The following SPATA18 variants were observed in gnomAD, a reference collection of about 807,000 sequenced individuals.
SPATA18 encodes the protein mitochondria-eating protein.
SPATA18 carries 54 observed loss-of-function variants against 68.1 expected under a neutral mutation model. The ratio of observed to expected loss-of-function variants is 0.79; its 90% CI spans 0.64 to 0.99. The LOEUF (loss-of-function observed/expected upper bound fraction) is 0.99. Among genes scored for constraint, SPATA18 ranks in the 50% least tolerant of loss-of-function variants. The pLI is 0.00. For missense variants in SPATA18, 724 were observed against 681.1 expected (o/e 1.06, Z -0.70); for synonymous variants, 242 against 244.8 (o/e 0.99, Z 0.11).
rs752635539 is a variant in SPATA18 at position 52,076,885 on chromosome 4, A to T, written c.865A>T (p.Asn289Tyr). 1 of 1,614,180 alleles carries T rather than the reference A, an allele frequency of 6.2e-7. No homozygotes were observed. Among genetic ancestry groups the T allele is most frequent in the Non-Finnish European group, 8.5e-7 (1 of 1,180,028 alleles). ...TGTCAAGGTCAGGAGACCGTCCCCA[A>T]ACCGCTCCAAGCTGTCCAATGTGGC... ...TAVKVRRPSPNRSKLSNVARK... is the reference protein window; with the variant it reads ...TAVKVRRPSPYRSKLSNVARK... Residue 289 changes from asparagine (N) to tyrosine (Y), a missense_variant, in exon 7 of 13, where the codon AAC becomes TAC. Physicochemically the swap from Asn to Tyr is moderately radical, Grantham distance 143. Coordinates refer to ENST00000295213, the MANE Select transcript of SPATA18 (RefSeq NM_145263.4).
At chr4:52,077,142 A>G (rs1740444205) in intron 7 of SPATA18, 102 bp downstream of exon 7, 3 of 1,307,116 alleles carry the variant, frequency 2.3e-6, no homozygotes, top group South Asian at 1.6e-5. Flanking sequence ...TCCTGAGGTC[A>G]CTGAAGTGGG....
At chr4:52,073,142 T>C (rs1209895789) in intron 6 of SPATA18, among the ~76,000 whole-genome samples, 1 of 152,192 alleles carries the variant, frequency 6.6e-6, no homozygotes, top group East Asian at 1.9e-4. Flanking sequence ...GTGTTGTGTT[T>C]GTGCCAACTT....
chr4:52,077,341 T>TAACA (rs1740474629), intron 7 of SPATA18, among the ~76,000 whole-genome samples: 1 of 145,260 alleles, frequency 6.9e-6, no homozygotes, highest in African/African-American at 2.5e-5. Flanking sequence ...TCCCTTCCTT[T>TAACA]CTCTTTCCCT....
intron 7 of SPATA18, among the ~76,000 whole-genome samples, chr4:52,078,108 T>TA (rs11447541): frequency 0.32 from 46,872 of 148,712 alleles, 9,657 homozygotes; most frequent in African/African-American, 0.59. Context: ...TAAAGGGTTG[T>TA]AAAAAAAAAA....
Position 52,071,944 on chromosome 4 carries a change from T to A in SPATA18, c.546T>A (p.Asp182Glu). The part of the protein sequence containing the change: ...KQLKSLQAQE[D>E]ARHRNTDQRS... ...TTAAATCTCTTCAAGCTCAGGAGGA[T>A]GCCCGCCACAGAAACACAGATCAGA... Residue 182 changes from aspartate (D) to glutamate (E), a missense_variant, in exon 6 of 13, where the codon GAT becomes GAA. Coordinates refer to ENST00000295213, the MANE Select transcript of SPATA18 (RefSeq NM_145263.4). 4 of 1,613,540 alleles carry A rather than the reference T, an allele frequency of 2.5e-6. No individual in the cohort carries two copies. Among genetic ancestry groups the A allele is most frequent in the Non-Finnish European group, 3.4e-6 (4 of 1,179,982 alleles).
chr4:52,089,300 T>C (rs902160720), intron 11 of SPATA18, among the ~76,000 whole-genome samples: 1 of 152,224 alleles, frequency 6.6e-6, no homozygotes. Context: ...TCTACTCTGA[T>C]CTTAGTTATT....
rs747440055 is a variant in SPATA18, at chr4:52,085,010, A to G, written c.1563+11A>G. ...ATTGGTTTAAACACGGTACATATCT[A>G]TCTAATCATTTTTACACAAAATTCA... On this transcript the variant is annotated intron_variant, in intron 11 of 12. Coordinates refer to ENST00000295213, the MANE Select transcript of SPATA18 (RefSeq NM_145263.4). 26 of 1,591,044 alleles carry G rather than the reference A, an allele frequency of 1.6e-5. No homozygotes were observed. The highest frequency in any genetic ancestry group is 1.7e-4 in the Middle Eastern group (1 of 5,980).
chr4:52,092,672 C>A (rs1742078310), intron 11 of SPATA18, among the ~76,000 whole-genome samples: 1 of 152,192 alleles, frequency 6.6e-6, no homozygotes, highest in African/African-American at 2.4e-5. Flanking sequence ...TGAATCTACT[C>A]CCCCTTACGG....
At chr4:52,063,896 T>A (rs1739099556) in intron 4 of SPATA18, among the ~76,000 whole-genome samples, 1 of 152,144 alleles carries the variant, frequency 6.6e-6, no homozygotes, top group African/African-American at 2.4e-5. Flanking sequence ...GACCCTCCAT[T>A]TTCCTCTAGT....
intron 4 of SPATA18, among the ~76,000 whole-genome samples, chr4:52,067,352 G>T (rs935105542): frequency 3.3e-5 from 5 of 151,892 alleles, no homozygotes; most frequent in Non-Finnish European, 7.4e-5. Context: ...GGGGTTGTTT[G>T]TTTTTTTCTT....
At chr4:52,062,412 T>C (rs1444107986) in intron 4 of SPATA18, 80 bp downstream of exon 4, 4 of 979,908 alleles carry the variant, frequency 4.1e-6, no homozygotes, top group Non-Finnish European at 6.3e-6. Context: ...AGGAGAATAA[T>C]GGCTCATGTA....
chr4:52,059,722 C>T (rs568569240), intron 1 of SPATA18, among the ~76,000 whole-genome samples: 13 of 152,200 alleles, frequency 8.5e-5, no homozygotes, highest in South Asian at 2.1e-4. Context: ...GTCTGCCCCA[C>T]GAGTCTGCAA....
Position 52,094,990 on chromosome 4 carries a change from G to A in SPATA18, c.*103G>A, listed in dbSNP as rs1470774406. Reference sequence around the variant, plus strand: ...TGCCTCAGACCTCACTTAAGATAATGTCAAAAGGCAATTCTGTGTATCACC... The same window carrying A: ...TGCCTCAGACCTCACTTAAGATAATATCAAAAGGCAATTCTGTGTATCACC... On this transcript the variant is annotated 3_prime_UTR_variant, in exon 13 of 13. Transcript: ENST00000295213. 1 of 1,411,142 alleles carries A rather than the reference G, an allele frequency of 7.1e-7. No individual in the cohort carries two copies. Among genetic ancestry groups the A allele is most frequent in the Non-Finnish European group, 1.0e-6 (1 of 996,982 alleles). 87.4% of individuals were successfully genotyped at this position (1,411,142 alleles called of 1,614,324 possible). A position where few individuals can be genotyped will look rare whatever the true frequency, so the allele number is the denominator to read the frequency against.
At position 52,096,165 on chromosome 4, in the gene SPATA18, T is replaced by A. The variant is rs1394896795; in HGVS notation, c.*1278T>A. 1 of 152,246 alleles carries A rather than the reference T, an allele frequency of 6.6e-6. No individual in the cohort carries two copies. The highest frequency in any genetic ancestry group is 1.5e-5 in the Non-Finnish European group (1 of 68,046). 9.4% of individuals were successfully genotyped at this position (152,246 alleles called of 1,614,324 possible). ...CTCTTCAGTGCCTGCCCCTTGAGTC[T>A]AATGGTCACCACCTCATTCTGAAGT... On this transcript the variant is annotated 3_prime_UTR_variant, in exon 13 of 13. Coordinates refer to ENST00000295213, the MANE Select transcript of SPATA18 (RefSeq NM_145263.4).
chr4:52,087,253 C>A (rs1371779615), intron 11 of SPATA18, among the ~76,000 whole-genome samples: 2 of 152,188 alleles, frequency 1.3e-5, no homozygotes, highest in African/African-American at 2.4e-5. Context: ...TTTTGCTGTG[C>A]AAAAGCTCTT....
intron 5 of SPATA18, 33 bp downstream of exon 5, chr4:52,069,949 A>C: frequency 6.7e-7 from 1 of 1,492,220 alleles, no homozygotes; most frequent in East Asian, 2.3e-5. Flanking sequence ...ATTGCAGCCT[A>C]AATCATTGAA....
chr4:52,082,606 T>A, intron 10 of SPATA18, 96 bp downstream of exon 10: 1 of 1,608,474 alleles, frequency 6.2e-7, no homozygotes. Flanking sequence ...AAGAAGTTTA[T>A]AAAGAGTTGA....
rs1273844590 is a variant in SPATA18 at position 52,095,272 on chromosome 4, C to A, written c.*385C>A. 1 of 215,966 alleles carries A rather than the reference C, an allele frequency of 4.6e-6. No individual in the cohort carries two copies. The highest frequency in any genetic ancestry group is 9.1e-6 in the Non-Finnish European group (1 of 110,148). The allele number at this position is 215,966 out of a possible 1,614,324, so 13.4% of individuals were successfully genotyped here. A position where few individuals can be genotyped will look rare whatever the true frequency, so the allele number is the denominator to read the frequency against. ...GCTGAGGCTAAAAGAAAAGATGAAT[C>A]ATTTTAGTTTGCAGATGGATCGTAA... On this transcript the variant is annotated 3_prime_UTR_variant, in exon 13 of 13. Coordinates refer to ENST00000295213, the MANE Select transcript of SPATA18 (RefSeq NM_145263.4).
At chr4:52,085,986 T>C (rs1433722642) in intron 11 of SPATA18, among the ~76,000 whole-genome samples, 2 of 152,146 alleles carry the variant, frequency 1.3e-5, no homozygotes, top group South Asian at 2.1e-4. Context: ...TCAACACATA[T>C]TTAGTCAGTG....
Sources: allele counts gnomAD v4.1 joint callset (sites outside exome capture counted in the v4.1 genomes callset), GRCh38; gene constraint gnomAD v4.1.1; transcripts MANE v1.5; gene names NCBI Gene and HGNC (gene_info 2026-07-23, HGNC 2026-07-21).